Variants in PLPP4 observed in about 807,000 individuals in gnomAD.
The protein encoded by PLPP4 is phospholipid phosphatase 4.
In PLPP4, 20 loss-of-function variants were observed where a neutral mutation model predicts 32.2. That is an observed-to-expected ratio of 0.62 (90% CI 0.44 to 0.90). The LOEUF (loss-of-function observed/expected upper bound fraction) is 0.90. Among genes scored for constraint, PLPP4 ranks in the 40% least tolerant of loss-of-function variants. PLPP4 has a pLI of 0.00. For missense variants in PLPP4, 257 were observed against 353.1 expected, an observed-to-expected ratio of 0.73 and a Z score of 2.18; for synonymous variants, 127 against 133.0, an observed-to-expected ratio of 0.95 and a Z score of 0.31.
At chr10:120,526,955 T>C (rs1846421441) in intron 5 of PLPP4, among the ~76,000 whole-genome samples, 1 of 152,162 alleles carries the variant, frequency 6.6e-6, no homozygotes, top group Admixed American at 6.5e-5. Context: ...AGTCAGTATC[T>C]ACTTTGCCAC....
intron 5 of PLPP4, among the ~76,000 whole-genome samples, chr10:120,544,066 C>CT: frequency 6.6e-6 from 1 of 152,304 alleles, no homozygotes; most frequent in East Asian, 1.9e-4. Context: ...AATAATGCTG[C>CT]TACAGACACA....
chr10:120,569,799 T>C (rs1222576158), intron 5 of PLPP4, among the ~76,000 whole-genome samples: 1 of 152,226 alleles, frequency 6.6e-6, no homozygotes, highest in African/African-American at 2.4e-5. Flanking sequence ...ATTTGGGCAT[T>C]ACATATCGGG....
At chr10:120,476,772 G>A (rs907525464) in intron 1 of PLPP4, among the ~76,000 whole-genome samples, 1 of 152,168 alleles carries the variant, frequency 6.6e-6, no homozygotes, top group African/African-American at 2.4e-5. Flanking sequence ...AGTAGAAATA[G>A]TGCCTACTGG....
At chr10:120,577,634 G>T (rs894736241) in intron 6 of PLPP4, among the ~76,000 whole-genome samples, 1 of 152,206 alleles carries the variant, frequency 6.6e-6, no homozygotes, top group Non-Finnish European at 1.5e-5. Context: ...TTTATGTTCA[G>T]TGATGGTTAG....
At chr10:120,514,302 G>A (rs1845851407) in intron 3 of PLPP4, among the ~76,000 whole-genome samples, 2 of 152,166 alleles carry the variant, frequency 1.3e-5, no homozygotes, top group South Asian at 2.1e-4. Flanking sequence ...TTGGCAGTAA[G>A]GCAAAGTAAA....
Position 120,591,348 on chromosome 10 carries a change from G to A in PLPP4, c.*1846G>A, listed in dbSNP as rs1339033396. ...ATTGTCCCCTGGATGGAGTGGGAGA[G>A]GGGGAGGCTTGAATTGACTTTCATC... On this transcript the variant is annotated 3_prime_UTR_variant, in exon 7 of 7. Transcript: ENST00000398250. Among the ~76,000 whole-genome samples, 5 of 152,108 alleles carry A rather than the reference G, an allele frequency of 3.3e-5. No homozygotes were observed. The highest frequency in any genetic ancestry group is 2.6e-4 in the Admixed American group (4 of 15,272).
intron 5 of PLPP4, among the ~76,000 whole-genome samples, chr10:120,542,950 C>T (rs572093692): frequency 2.0e-5 from 3 of 152,298 alleles, no homozygotes; most frequent in South Asian, 2.1e-4. Context: ...GAGACAGAGA[C>T]GCTGCTCCAA....
At chr10:120,585,612 G>A (rs938432492) in intron 6 of PLPP4, among the ~76,000 whole-genome samples, 1 of 152,174 alleles carries the variant, frequency 6.6e-6, no homozygotes, top group Non-Finnish European at 1.5e-5. Flanking sequence ...ACTTAATGAG[G>A]CGGATACTGA....
chr10:120,526,566 C>T (rs1197625260), intron 5 of PLPP4, among the ~76,000 whole-genome samples: 2 of 152,102 alleles, frequency 1.3e-5, no homozygotes, highest in Admixed American at 6.5e-5. Context: ...TGCAGAAGGG[C>T]GTAGGTGCTC....
At chr10:120,536,591 A>C (rs558780982) in intron 5 of PLPP4, among the ~76,000 whole-genome samples, 11 of 152,038 alleles carry the variant, frequency 7.2e-5, no homozygotes, top group African/African-American at 2.2e-4. Context: ...AAACACCTAG[A>C]AGAAAACATA....
intron 5 of PLPP4, among the ~76,000 whole-genome samples, chr10:120,542,773 T>G (rs1465169805): frequency 6.6e-6 from 1 of 152,222 alleles, no homozygotes; most frequent in African/African-American, 2.4e-5. Context: ...CTAAACCCAC[T>G]GCAGAGTGAC....
At chr10:120,488,556 C>G (rs969656660) in intron 1 of PLPP4, among the ~76,000 whole-genome samples, 2 of 152,222 alleles carry the variant, frequency 1.3e-5, no homozygotes, top group Non-Finnish European at 2.9e-5. Flanking sequence ...ATTTTACCAA[C>G]AAGGAAGTAG....
intron 6 of PLPP4, among the ~76,000 whole-genome samples, chr10:120,580,577 G>A (rs540390401): frequency 5.1e-4 from 78 of 151,634 alleles, no homozygotes; most frequent in African/African-American, 1.8e-3. Context: ...GCCTTACGCT[G>A]AGTAACACCT....
chr10:120,473,394 A>G (rs111647625), intron 1 of PLPP4, among the ~76,000 whole-genome samples: 3 of 152,142 alleles, frequency 2.0e-5, no homozygotes, highest in African/African-American at 7.2e-5. Context: ...TAGAAAGCCT[A>G]AGTTGGATAA....
At chr10:120,485,734 A>C (rs78823554) in intron 1 of PLPP4, among the ~76,000 whole-genome samples, 3,765 of 152,284 alleles carry the variant, frequency 0.025, 80 homozygotes, top group Middle Eastern at 0.044. Context: ...AATAAAAGAA[A>C]AGAACAAGAA....
At chr10:120,579,074 C>T (rs1359276287) in intron 6 of PLPP4, among the ~76,000 whole-genome samples, 1 of 152,192 alleles carries the variant, frequency 6.6e-6, no homozygotes, top group East Asian at 1.9e-4. Flanking sequence ...TGGAGGGTTA[C>T]AACTACTAGT....
At chr10:120,573,978 T>A (rs930371344) in intron 5 of PLPP4, among the ~76,000 whole-genome samples, 2 of 152,078 alleles carry the variant, frequency 1.3e-5, no homozygotes, top group Non-Finnish European at 2.9e-5. Flanking sequence ...GTGGGCTGGT[T>A]ACCTAGGAGC....
chr10:120,581,163 T>C, intron 6 of PLPP4: 1 of 985,416 alleles, frequency 1.0e-6, no homozygotes, highest in Non-Finnish European at 1.2e-6. Flanking sequence ...CCCTGGTGTT[T>C]CCCCGTGATG....
intron 5 of PLPP4, among the ~76,000 whole-genome samples, chr10:120,556,398 T>C (rs1409441105): frequency 6.6e-6 from 1 of 152,230 alleles, no homozygotes; most frequent in East Asian, 1.9e-4. Flanking sequence ...AGTGGAACAG[T>C]TATGTTTAAC....
Sources: gnomAD v4.1 joint callset for allele counts (sites outside exome capture counted in the v4.1 genomes callset) on GRCh38, gnomAD v4.1.1 for gene constraint, MANE v1.5 for transcripts, NCBI Gene and HGNC (gene_info 2026-07-23, HGNC 2026-07-21) for gene names.